The following EIF4G1 variants were observed in gnomAD, a reference collection of about 807,000 sequenced individuals.
EIF4G1 encodes EIF4-gamma.
Under a neutral mutation model 187.8 loss-of-function variants are expected in EIF4G1, and 4 were observed. That is an observed-to-expected ratio of 0.02 (90% confidence interval 0.01 to 0.05). EIF4G1 has a LOEUF of 0.05. Ranked by LOEUF, EIF4G1 falls within the 10% of genes least tolerant of loss-of-function variation. EIF4G1 has a pLI of 1.00. For missense variants in EIF4G1, 1,647 were observed against 2,081.1 expected, an observed-to-expected ratio of 0.79 and a Z score of 4.06; for synonymous variants, 844 against 781.4, an observed-to-expected ratio of 1.08 and a Z score of -1.34.
intron 32 of EIF4G1, 95 bp downstream of exon 32, chr3:184,332,181 G>GCT: frequency 6.4e-7 from 1 of 1,564,526 alleles, no homozygotes; most frequent in South Asian, 1.1e-5. Flanking sequence ...TCCAAGAAAG[G>GCT]TAGGTAGTCA....
intron 5 of EIF4G1, 78 bp from the exon 6 acceptor site, chr3:184,317,639 C>T (rs1052986828): frequency 9.8e-6 from 15 of 1,534,216 alleles, no homozygotes; most frequent in South Asian, 2.3e-5. Context: ...CTTGTCTTGA[C>T]CTATGTTCTT....
rs770857421 is a variant in EIF4G1 at position 184,332,067 on chromosome 3, G to C, written c.4599G>C (p.Val1533=). ...TCTACGCCCTCCAGGCCCTTGTAGT[G>C]ACCTTAGAACAGCCTCCCAGTAAGA... ...QALYALQALV[V]TLEQPPNLLR... is the part of the protein sequence containing the mutation. Residue 1533 remains valine (V), a synonymous_variant, in exon 32 of 33, where the codon GTG becomes GTC. Transcript: ENST00000346169. 1 of 1,614,182 alleles carries C rather than the reference G, an allele frequency of 6.2e-7. No individual in the cohort carries two copies. Among genetic ancestry groups the C allele is most frequent in the South Asian group, 1.1e-5 (1 of 91,066 alleles).
chr3:184,325,389 C>G lies in EIF4G1; in HGVS notation c.2961+16C>G. 2.5e-6 allele frequency: 4 copies of G among 1,614,130 alleles called. No individual in the cohort carries two copies. The highest frequency in any genetic ancestry group is 2.7e-5 in the African/African-American group (2 of 75,058). ...TCTGCGAGGGGTGTGTGTCCCCCTC[C>G]TCCCCACTGCCAGCCTGCTGCCTCC... On this transcript the variant is annotated intron_variant, in intron 19 of 32. Coordinates refer to ENST00000346169, the MANE Select transcript of EIF4G1 (RefSeq NM_198241.3). This position sits in a 1 kb window ranked among gnomAD's most constrained non-coding sequence, Gnocchi z 5.2.
chr3:184,319,706 G>C lies in EIF4G1; in HGVS notation c.442G>C (p.Ala148Pro), dbSNP rs750601754. ...FGTYAGAYYPAQGVQQFPTGV... is the reference protein window; with the variant it reads ...FGTYAGAYYPPQGVQQFPTGV... The stretch of plus-strand genomic sequence containing the variant: ...CCCCCAAGCTGGCGCCTACTATCCA[G>C]CCCAAGGGGTGCAGCAGTTTCCCAC... The change falls in exon 7 of 33, where the codon GCC (alanine) becomes CCC (proline). Residue 148 changes from alanine to proline, a missense_variant. By Grantham distance (27) the Ala-to-Pro change is conservative. Around this residue, in one of 11 missense-constraint regions of EIF4G1, gnomAD observed 139 missense variants for 187.3 expected, o/e 0.74. Coordinates refer to ENST00000346169, the MANE Select transcript of EIF4G1 (RefSeq NM_198241.3). 1 of 1,600,986 alleles carries C rather than the reference G, an allele frequency of 6.2e-7. No individual in the cohort carries two copies. The highest frequency in any genetic ancestry group is 1.7e-5 in the Admixed American group (1 of 57,690).
At position 184,328,730 on chromosome 3, in the gene EIF4G1, T is replaced by C; in HGVS notation, c.4053T>C (p.Gly1351=). 10 of 1,613,800 alleles carry C rather than the reference T, an allele frequency of 6.2e-6. No homozygotes were observed. Among genetic ancestry groups the C allele is most frequent in the Non-Finnish European group, 8.5e-6 (10 of 1,179,910 alleles). Residue 1351 remains glycine, a synonymous_variant, in exon 27 of 33, where the codon GGT becomes GGC. Transcript: ENST00000346169. ...AELVTPILQE[G]GVPMGELFRE... is the part of the protein sequence containing the mutation. ...TGGTAACACCCATTCTGCAGGAAGG[T>C]GGGGTGCCCATGGGGGAGCTGTTCA...
intron 1 of EIF4G1, chr3:184,315,111 G>A (rs1054997651): frequency 6.1e-6 from 2 of 329,432 alleles, no homozygotes; most frequent in African/African-American, 4.6e-5. Flanking sequence ...GAGGGAGGCG[G>A]TGGCGGCGGG....
In EIF4G1 at chr3:184,330,532, T is replaced by TAG. The variant is rs1725854122; in HGVS notation, c.4162-734_4162-733insAG. On this transcript the variant is annotated intron_variant, in intron 28 of 32. Coordinates refer to ENST00000346169, the MANE Select transcript of EIF4G1 (RefSeq NM_198241.3). ...AAAAGAGTGATGTCTTCATAGTCTA[T>TAG]TGCCCCTTACAGAAAATGCACTCAG... Among the ~76,000 whole-genome samples, 4 of 152,338 alleles carry TAG rather than the reference T, an allele frequency of 2.6e-5. No homozygotes were observed. In the East Asian group the frequency reaches 7.7e-4, roughly 29 times the overall value.
chr3:184,326,930 C>G lies in EIF4G1; in HGVS notation c.3375C>G (p.Ala1125=). Residue 1125 remains alanine (A), a synonymous_variant, in exon 23 of 33, where the codon GCC becomes GCG. Transcript: ENST00000346169. Reference sequence around the variant, plus strand: ...CTAGTACTTTGAATCGCTTCTCAGCCCTTCAACAAGCGGTACCCACAGAAA... The same window carrying G: ...CTAGTACTTTGAATCGCTTCTCAGCGCTTCAACAAGCGGTACCCACAGAAA... The part of the protein sequence containing the change: ...PATSTLNRFS[A]LQQAVPTEST... 1 of 1,614,196 alleles carries G rather than the reference C, an allele frequency of 6.2e-7. No individual in the cohort carries two copies.
chr3:184,327,277 A>C lies in EIF4G1; in HGVS notation c.3490A>C (p.Ser1164Arg), dbSNP rs113169049. ...AGDRGDRLER[S>R]ERGGDRGDRL... is the part of the protein sequence containing the mutation. The stretch of plus-strand genomic sequence containing the variant: ...AGACCGAGGAGACCGCCTAGAGCGG[A>C]GTGAACGGGGAGGGGACCGTGGGGA... The change falls in exon 24 of 33, where the codon AGT (serine) becomes CGT (arginine). Residue 1164 changes from serine to arginine, a missense_variant. Ser to Arg is a moderately radical substitution (Grantham distance 110). Coordinates refer to ENST00000346169, the MANE Select transcript of EIF4G1 (RefSeq NM_198241.3). 6 of 1,613,690 alleles carry C rather than the reference A, an allele frequency of 3.7e-6. No homozygotes were observed. The highest frequency in any genetic ancestry group is 4.2e-6 in the Non-Finnish European group (5 of 1,180,056).
intron 6 of EIF4G1, among the ~76,000 whole-genome samples, chr3:184,318,499 C>T (rs1723177260): frequency 6.6e-6 from 1 of 152,132 alleles, no homozygotes; most frequent in South Asian, 2.1e-4. Context: ...CGCCTGTAGT[C>T]CCAGCACTTT....
At chr3:184,320,285 ACACTAGC>A in intron 7 of EIF4G1, 1 of 1,251,202 alleles carries the variant, frequency 8.0e-7, no homozygotes, top group African/African-American at 1.5e-5. Flanking sequence ...GAGATCAGGC[ACACTAGC>A]CACAAGTGAG....
Position 184,327,208 on chromosome 3 carries a change from T to C in EIF4G1, c.3429-8T>C. On this transcript the variant is annotated splice_polypyrimidine_tract_variant and splice_region_variant and intron_variant, in intron 23 of 32. Transcript: ENST00000346169. ...AAGTGAGTGAAAATTTGTCTGTCTG[T>C]CTTCCAGGAGTAGCTTGAGCCGAGA... 1 of 1,612,476 alleles carries C rather than the reference T, an allele frequency of 6.2e-7. No individual in the cohort carries two copies. The highest frequency in any genetic ancestry group is 2.2e-5 in the East Asian group (1 of 44,884).
Position 184,334,817 on chromosome 3 carries a change from C to A in EIF4G1, c.4709C>A (p.Ala1570Asp), listed in dbSNP as rs144462594. The change falls in exon 33 of 33, where the codon GCT becomes GAT. Residue 1570 changes from alanine (A) to aspartate (D), a missense_variant. Physicochemically the swap from Ala to Asp is moderately radical, Grantham distance 126. This residue lies in a region of EIF4G1 where 543 missense variants were observed against 638.0 expected (regional missense o/e 0.85). Coordinates refer to ENST00000346169, the MANE Select transcript of EIF4G1 (RefSeq NM_198241.3). This position sits in a 1 kb window ranked among gnomAD's most constrained non-coding sequence, Gnocchi z 5.8. The stretch of plus-strand genomic sequence containing the variant: ...AGTTGGGAGAGTAGCAAGGACCCCG[C>A]TGAGCAGCAGGGCAAGGGTGTGGCC... ...FYSWESSKDPAEQQGKGVALK... is the reference protein window; with the variant it reads ...FYSWESSKDPDEQQGKGVALK... The A allele has an allele frequency of 6.2e-7, 1 of 1,614,220 alleles. No individual in the cohort carries two copies. The highest frequency in any genetic ancestry group is 8.5e-7 in the Non-Finnish European group (1 of 1,180,032).
In EIF4G1 at chr3:184,335,130, ATATAT is replaced by A. The variant is rs780155792; in HGVS notation, c.*228_*232del. On this transcript the variant is annotated 3_prime_UTR_variant, in exon 33 of 33. Coordinates refer to ENST00000346169, the MANE Select transcript of EIF4G1 (RefSeq NM_198241.3). ...CCTCTCCTCCCCCTGGGGCACAGAG[ATATAT>A]TATATATAAAGTCTTGAAATTTGGT... The A allele has an allele frequency of 1.0e-3, 595 of 578,704 alleles. No individual in the cohort carries two copies. The highest frequency in any genetic ancestry group is 5.2e-3 in the Middle Eastern group (11 of 2,116). The allele number at this position is 578,704 out of a possible 1,614,324, so 35.8% of individuals were successfully genotyped here.
Position 184,325,836 on chromosome 3 carries a change from C to T in EIF4G1, c.3122-15C>T. 1 of 1,614,086 alleles carries T rather than the reference C, an allele frequency of 6.2e-7. No homozygotes were observed. Among genetic ancestry groups the T allele is most frequent in the Non-Finnish European group, 8.5e-7 (1 of 1,180,008 alleles). On this transcript the variant is annotated splice_polypyrimidine_tract_variant and intron_variant, in intron 20 of 32. Coordinates refer to ENST00000346169, the MANE Select transcript of EIF4G1 (RefSeq NM_198241.3). This position sits in a 1 kb window ranked among gnomAD's most constrained non-coding sequence, Gnocchi z 5.2. Reference sequence around the variant, plus strand: ...ATTTATTCATTATTCCAGTATGCCCCTCTTTTTGTGTCAGGCCGTGGACTT... The same window carrying T: ...ATTTATTCATTATTCCAGTATGCCCTTCTTTTTGTGTCAGGCCGTGGACTT...
rs749813140 is a variant in EIF4G1 at position 184,327,638 on chromosome 3, TGAG to T, written c.3721_3723del (p.Glu1241del). 47 of 1,614,078 alleles carry T rather than the reference TGAG, an allele frequency of 2.9e-5. No individual in the cohort carries two copies. The highest frequency in any genetic ancestry group is 4.0e-5 in the African/African-American group (3 of 74,924). ...TGAGCCCCCTGAAGGCGGCTCTCTC[TGAG>T]GAGGAGTTAGAGAAGAAATCCAAGG... is the stretch of plus-strand genomic sequence containing the variant. On this transcript the variant is annotated inframe_deletion, in exon 25 of 33. Coordinates refer to ENST00000346169, the MANE Select transcript of EIF4G1 (RefSeq NM_198241.3).
At chr3:184,322,479 G>A (rs760287639) in intron 11 of EIF4G1, 29 bp downstream of exon 11, 29 of 1,613,858 alleles carry the variant, frequency 1.8e-5, no homozygotes, top group Non-Finnish European at 2.4e-5. Flanking sequence ...GGAGGGGAGA[G>A]GGCCAAGTTG....
At chr3:184,326,778 G>A (rs1016454147) in intron 22 of EIF4G1, 103 bp from the exon 23 acceptor site, 5 of 1,524,202 alleles carry the variant, frequency 3.3e-6, no homozygotes, top group Non-Finnish European at 3.6e-6. Context: ...GGATTGAACT[G>A]CTTTACTTTT....
At chr3:184,322,290 T>G in intron 10 of EIF4G1, 72 bp from the exon 11 acceptor site, 1 of 1,554,408 alleles carries the variant, frequency 6.4e-7, no homozygotes, top group Non-Finnish European at 8.8e-7. Flanking sequence ...TGCTTTCTAT[T>G]TCCCAGGGAT....
Sources: allele counts gnomAD v4.1 joint callset (sites outside exome capture counted in the v4.1 genomes callset), GRCh38; gene constraint gnomAD v4.1.1; regional missense constraint gnomAD v4.1.1; non-coding constraint Gnocchi (gnomAD v3.1); transcripts MANE v1.5; gene names NCBI Gene and HGNC (gene_info 2026-07-23, HGNC 2026-07-21).